TASP1: variants seen among roughly 807,000 people sequenced by gnomAD.
TASP1 encodes the protein taspase 1.
In TASP1, 16 loss-of-function variants were observed where a neutral mutation model predicts 56.6. The observed-to-expected ratio is 0.28, with a 90% CI of 0.19 to 0.43. TASP1 has a LOEUF of 0.43. Ranked by LOEUF, TASP1 falls within the 20% of genes least tolerant of loss-of-function variation. The pLI is 1.00. For synonymous variants in TASP1, 179 were observed against 184.2 expected, an observed-to-expected ratio of 0.97 and a Z score of 0.23; for missense variants, 393 against 511.6, an observed-to-expected ratio of 0.77 and a Z score of 2.24.
the TASP1 span, among the ~76,000 whole-genome samples, chr20:13,105,762 A>G: frequency 1.3e-5 from 2 of 152,338 alleles, no homozygotes; most frequent in East Asian, 3.9e-4. Context: ...CAAGTCCCAA[A>G]GGGAAAACAT....
chr20:13,145,702 A>G, the TASP1 span, among the ~76,000 whole-genome samples: 1 of 152,230 alleles, frequency 6.6e-6, no homozygotes, highest in Non-Finnish European at 1.5e-5. Flanking sequence ...AGTAAAAAGA[A>G]CAAAGCTGGA....
intron 11 of TASP1, among the ~76,000 whole-genome samples, chr20:13,478,227 C>CT (rs1408156212): frequency 6.6e-6 from 1 of 152,014 alleles, no homozygotes; most frequent in African/African-American, 2.4e-5. Context: ...TAGGTGTCCA[C>CT]TCAAGGAAAA....
chr20:13,135,871 G>T, the TASP1 span, among the ~76,000 whole-genome samples: 367 of 152,276 alleles, frequency 2.4e-3, 2 homozygotes, highest in African/African-American at 8.1e-3. Context: ...CCAGGCTGGT[G>T]GGATAATCAC....
the TASP1 span, among the ~76,000 whole-genome samples, chr20:13,127,647 T>C: frequency 2.4e-4 from 36 of 152,218 alleles, no homozygotes; most frequent in Admixed American, 4.6e-4. Flanking sequence ...CTAGTTAAAG[T>C]AGTGTCTTCA....
intron 11 of TASP1, among the ~76,000 whole-genome samples, chr20:13,437,875 G>A (rs1384810391): frequency 6.6e-6 from 1 of 152,148 alleles, no homozygotes; most frequent in Non-Finnish European, 1.5e-5. Context: ...CAAACAAATG[G>A]AAGAACACTC....
downstream of TASP1, among the ~76,000 whole-genome samples, chr20:13,387,292 C>T (rs572637049): frequency 9.8e-5 from 14 of 142,328 alleles, no homozygotes; most frequent in African/African-American, 3.4e-4. Flanking sequence ...CTCCCTGGTT[C>T]AAGTGATTCT....
intron 12 of TASP1, among the ~76,000 whole-genome samples, chr20:13,429,192 G>A (rs1336858863): frequency 6.6e-6 from 1 of 152,216 alleles, no homozygotes; most frequent in Admixed American, 6.5e-5. Flanking sequence ...TAGAAGGAAT[G>A]TCAACTGCAT....
chr20:13,238,273 T>C, the TASP1 span, among the ~76,000 whole-genome samples: 2 of 152,198 alleles, frequency 1.3e-5, no homozygotes, highest in South Asian at 2.1e-4. Flanking sequence ...ATTTGAATTA[T>C]ATTTTTATGC....
chr20:13,458,060 T>C (rs1001379785), intron 11 of TASP1, among the ~76,000 whole-genome samples: 2 of 152,204 alleles, frequency 1.3e-5, no homozygotes, highest in African/African-American at 4.8e-5. Context: ...AGCCTAGTCA[T>C]TGGTGGTACA....
chr20:13,556,331 A>T (rs756686063), intron 8 of TASP1, among the ~76,000 whole-genome samples: 1 of 152,122 alleles, frequency 6.6e-6, no homozygotes, highest in Non-Finnish European at 1.5e-5. Context: ...AAGGTGCCAT[A>T]ATCTCCAAAC....
chr20:13,259,530 A>G, the TASP1 span, among the ~76,000 whole-genome samples: 1 of 152,226 alleles, frequency 6.6e-6, no homozygotes, highest in East Asian at 1.9e-4. Flanking sequence ...AATGAATGAA[A>G]GAAAAGGAAG....
chr20:13,340,943 G>C, the TASP1 span, among the ~76,000 whole-genome samples: 1 of 152,222 alleles, frequency 6.6e-6, no homozygotes, highest in South Asian at 2.1e-4. Flanking sequence ...TGCCCAGGAA[G>C]TAGCTGGGGC....
At chr20:13,115,168 A>G in the TASP1 span, among the ~76,000 whole-genome samples, 2 of 152,222 alleles carry the variant, frequency 1.3e-5, no homozygotes, top group African/African-American at 2.4e-5. Context: ...TGGGAATAAC[A>G]TAGATAGCCT....
At chr20:13,394,989 T>A (rs922185703) in intron 13 of TASP1, among the ~76,000 whole-genome samples, 3 of 152,272 alleles carry the variant, frequency 2.0e-5, no homozygotes, top group African/African-American at 7.2e-5. Flanking sequence ...AATTGCCTGA[T>A]AACCTAATCA....
At chr20:13,154,401 G>C in the TASP1 span, among the ~76,000 whole-genome samples, 1 of 152,106 alleles carries the variant, frequency 6.6e-6, no homozygotes, top group Non-Finnish European at 1.5e-5. Context: ...ATCTCCCTCA[G>C]CCTCACCTGT....
At chr20:13,419,085 T>G (rs2042354192) in intron 12 of TASP1, among the ~76,000 whole-genome samples, 1 of 152,224 alleles carries the variant, frequency 6.6e-6, no homozygotes, top group Non-Finnish European at 1.5e-5. Context: ...GACTCTGGGT[T>G]AGACAGTAGT....
At chr20:13,576,440 A>G (rs1355635155) in intron 6 of TASP1, among the ~76,000 whole-genome samples, 2 of 152,136 alleles carry the variant, frequency 1.3e-5, no homozygotes, top group African/African-American at 4.8e-5. Flanking sequence ...AAACAAATGG[A>G]TTTACCAAAT....
the TASP1 span, among the ~76,000 whole-genome samples, chr20:13,235,484 C>G: frequency 6.6e-6 from 1 of 152,146 alleles, no homozygotes; most frequent in Non-Finnish European, 1.5e-5. Flanking sequence ...TTAACATCAC[C>G]AGGGCTGTGT....
At chr20:13,182,761 T>A in the TASP1 span, among the ~76,000 whole-genome samples, 1 of 152,210 alleles carries the variant, frequency 6.6e-6, no homozygotes, top group Non-Finnish European at 1.5e-5. Context: ...AATAAATGAA[T>A]GAGTGAAGGA....
Sources: allele counts gnomAD v4.1 joint callset (sites outside exome capture counted in the v4.1 genomes callset), GRCh38; gene constraint gnomAD v4.1.1; transcripts MANE v1.5; gene names NCBI Gene and HGNC (gene_info 2026-07-23, HGNC 2026-07-21).